The following CCDC192 variants were observed in gnomAD, a reference collection of about 807,000 sequenced individuals.
The protein encoded by CCDC192 is coiled-coil domain-containing protein 192.
intron 5 of CCDC192, among the ~76,000 whole-genome samples, chr5:127,826,884 T>C (rs245184): frequency 0.73 from 110,571 of 151,934 alleles, 40,410 homozygotes; most frequent in East Asian, 0.95. Context: ...AGCTTCTCCA[T>C]CTCCAATGTT....
chr5:127,764,436 G>A (rs1755102976), intron 3 of CCDC192, among the ~76,000 whole-genome samples: 2 of 152,164 alleles, frequency 1.3e-5, no homozygotes, highest in South Asian at 2.1e-4. Flanking sequence ...AGGTGACTAC[G>A]TAACCTGTGG....
At chr5:127,717,636 A>G (rs919516417) in intron 2 of CCDC192, among the ~76,000 whole-genome samples, 3 of 152,062 alleles carry the variant, frequency 2.0e-5, no homozygotes, top group Admixed American at 6.6e-5. Context: ...TTTCTCCTTC[A>G]TAAAACCCAT....
chr5:127,847,489 G>A (rs1750607743), intron 5 of CCDC192, among the ~76,000 whole-genome samples: 1 of 151,960 alleles, frequency 6.6e-6, no homozygotes, highest in Non-Finnish European at 1.5e-5. Context: ...CATATTTAAT[G>A]GACATAAAAT....
intron 6 of CCDC192, among the ~76,000 whole-genome samples, chr5:127,887,470 A>G (rs1561540277): frequency 6.6e-6 from 1 of 152,032 alleles, no homozygotes; most frequent in Admixed American, 6.6e-5. Context: ...ACATCAACCT[A>G]TTTGAAAAAC....
chr5:127,937,675 T>A (rs1220894274), intron 6 of CCDC192, among the ~76,000 whole-genome samples: 1 of 152,212 alleles, frequency 6.6e-6, no homozygotes, highest in African/African-American at 2.4e-5. Context: ...TCTCCTCTCA[T>A]TTTCTTTCCA....
chr5:127,724,969 T>C (rs1752239399), intron 2 of CCDC192, among the ~76,000 whole-genome samples: 2 of 152,122 alleles, frequency 1.3e-5, no homozygotes, highest in African/African-American at 4.8e-5. Flanking sequence ...CCATCTAAAT[T>C]TTTTCATTTT....
At chr5:127,702,720 A>T (rs1019190196), upstream of CCDC192, among the ~76,000 whole-genome samples, 1 of 152,174 alleles carries the variant, frequency 6.6e-6, no homozygotes, top group Admixed American at 6.5e-5. Flanking sequence ...GACTGCAGGG[A>T]TCCTACCTGT....
At chr5:127,861,547 C>T (rs1381063911) in intron 5 of CCDC192, among the ~76,000 whole-genome samples, 1 of 151,742 alleles carries the variant, frequency 6.6e-6, no homozygotes, top group Non-Finnish European at 1.5e-5. Context: ...CCCAGCTACT[C>T]GGGAGGCTGA....
intron 3 of CCDC192, chr5:127,784,498 C>T (rs1301268312): frequency 1.5e-5 from 5 of 343,950 alleles, no homozygotes; most frequent in Non-Finnish European, 2.8e-5. Context: ...TTGGTCTCAG[C>T]TTTAAAAAGG....
intron 6 of CCDC192, among the ~76,000 whole-genome samples, chr5:127,894,810 C>T (rs1212154977): frequency 6.6e-6 from 1 of 152,212 alleles, no homozygotes; most frequent in Non-Finnish European, 1.5e-5. Context: ...CGCCCATAGG[C>T]TAAATCCAGC....
At chr5:127,928,757 T>C (rs1364930755) in intron 6 of CCDC192, among the ~76,000 whole-genome samples, 1 of 152,058 alleles carries the variant, frequency 6.6e-6, no homozygotes, top group East Asian at 1.9e-4. Context: ...TAACAAATTT[T>C]AGCCATGTTA....
At chr5:127,744,048 T>G (rs1214691394) in intron 2 of CCDC192, among the ~76,000 whole-genome samples, 1 of 143,862 alleles carries the variant, frequency 7.0e-6, no homozygotes, top group East Asian at 2.0e-4. Context: ...GAGCCGAGGT[T>G]GCGCCACTGC....
At chr5:127,873,555 C>T (rs1481051295) in intron 5 of CCDC192, among the ~76,000 whole-genome samples, 2 of 152,228 alleles carry the variant, frequency 1.3e-5, no homozygotes, top group African/African-American at 4.8e-5. Flanking sequence ...CTTAACATTT[C>T]AGCACACATA....
chr5:127,779,820 G>T (rs1235869042), intron 3 of CCDC192, among the ~76,000 whole-genome samples: 2 of 151,798 alleles, frequency 1.3e-5, no homozygotes, highest in Admixed American at 1.3e-4. Flanking sequence ...TTGAGATTTT[G>T]GTGCACCCAT....
At chr5:127,743,795 A>C (rs1753571010) in intron 2 of CCDC192, among the ~76,000 whole-genome samples, 2 of 152,180 alleles carry the variant, frequency 1.3e-5, no homozygotes. Flanking sequence ...ATTTAGTATA[A>C]GAAACTATTG....
At chr5:127,823,031 A>G (rs1206070963) in intron 5 of CCDC192, among the ~76,000 whole-genome samples, 1 of 152,124 alleles carries the variant, frequency 6.6e-6, no homozygotes, top group African/African-American at 2.4e-5. Flanking sequence ...AAAACACCAC[A>G]TTACTCTCTG....
chr5:127,898,102 A>T (rs893279573), intron 6 of CCDC192, among the ~76,000 whole-genome samples: 1 of 151,850 alleles, frequency 6.6e-6, no homozygotes, highest in Non-Finnish European at 1.5e-5. Flanking sequence ...AGAGACCTTA[A>T]TATGGTCCAG....
At chr5:127,876,163 A>T (rs1235613050) in intron 6 of CCDC192, among the ~76,000 whole-genome samples, 3 of 151,358 alleles carry the variant, frequency 2.0e-5, no homozygotes, top group Non-Finnish European at 1.5e-5. Context: ...AAAATTGTTA[A>T]TAGCCACATT....
At chr5:127,781,528 C>T (rs544315123) in intron 3 of CCDC192, among the ~76,000 whole-genome samples, 1 of 148,276 alleles carries the variant, frequency 6.7e-6, no homozygotes, top group South Asian at 2.1e-4. Context: ...TGTAGTTTTC[C>T]TTGTGCACGT....
Sources: allele counts gnomAD v4.1 joint callset (sites outside exome capture counted in the v4.1 genomes callset), GRCh38; gene constraint gnomAD v4.1.1; transcripts MANE v1.5; gene names NCBI Gene and HGNC (gene_info 2026-07-23, HGNC 2026-07-21).